GRAMD4: variants seen among roughly 807,000 people sequenced by gnomAD.
The protein encoded by GRAMD4 is GRAM domain containing 4.
GRAMD4 carries 25 observed loss-of-function variants against 83.9 expected under a neutral mutation model. The observed-to-expected ratio is 0.30, with a 90% CI of 0.22 to 0.42. GRAMD4 has a LOEUF of 0.42. GRAMD4 is among the 10% of genes least tolerant of loss of function. The pLI, the probability that GRAMD4 is intolerant of heterozygous loss-of-function variation, is 1.00. For missense variants in GRAMD4, 593 were observed against 788.7 expected, an observed-to-expected ratio of 0.75 and a Z score of 2.97; for synonymous variants, 336 against 320.9, an observed-to-expected ratio of 1.05 and a Z score of -0.50.
chr22:46,612,045 C>A (rs912095723), intron 1 of GRAMD4, among the ~76,000 whole-genome samples: 7 of 147,122 alleles, frequency 4.8e-5, no homozygotes, highest in Non-Finnish European at 9.0e-5. Flanking sequence ...GATCTGTTGC[C>A]CAGGCTGGAG....
At chr22:46,674,514 C>T (rs1179632488) in intron 15 of GRAMD4, 143 bp from the exon 16 acceptor site, 4 of 705,068 alleles carry the variant, frequency 5.7e-6, no homozygotes, top group South Asian at 1.6e-5. Flanking sequence ...CTCTTGCCGG[C>T]GCGCCTTCCT....
At chr22:46,610,198 A>T (rs1174787155) in intron 1 of GRAMD4, among the ~76,000 whole-genome samples, 11 of 152,216 alleles carry the variant, frequency 7.2e-5, no homozygotes, top group Non-Finnish European at 1.6e-4. Context: ...CAAGGCCCAC[A>T]CATGAATCTG....
chr22:46,639,233 C>T (rs1569280685), intron 3 of GRAMD4, among the ~76,000 whole-genome samples: 1 of 149,604 alleles, frequency 6.7e-6, no homozygotes, highest in Admixed American at 6.6e-5. Flanking sequence ...TAGTTAACCA[C>T]GGTAGTAGTT....
chr22:46,595,632 C>G (rs904483361), intron 1 of GRAMD4, among the ~76,000 whole-genome samples: 1 of 152,214 alleles, frequency 6.6e-6, no homozygotes, highest in Non-Finnish European at 1.5e-5. Context: ...GCCCTGAACC[C>G]TCTGAGCGTC....
intron 9 of GRAMD4, among the ~76,000 whole-genome samples, chr22:46,666,208 C>G (rs1042998068): frequency 3.9e-5 from 6 of 152,202 alleles, no homozygotes; most frequent in African/African-American, 1.4e-4. Flanking sequence ...CCTCTGAGCA[C>G]CCCCTCCCTG....
intron 1 of GRAMD4, among the ~76,000 whole-genome samples, chr22:46,601,573 GA>G (rs2081312690): frequency 6.6e-6 from 1 of 152,110 alleles, no homozygotes; most frequent in Non-Finnish European, 1.5e-5. Context: ...AAGGCGGGGG[GA>G]TTACCTGAGG....
At position 46,658,260 on chromosome 22, in the gene GRAMD4, G is replaced by A. The variant is rs1178325808; in HGVS notation, c.357G>A (p.Gln119=). ...MLRQELDRER[Q]RRMELEQKVQ... Reference sequence around the variant, plus strand: ...GGCAGGAGCTGGACCGCGAGCGGCAGCGGCGGATGGAGCTGGAGCAGAAGG... The same window carrying A: ...GGCAGGAGCTGGACCGCGAGCGGCAACGGCGGATGGAGCTGGAGCAGAAGG... Residue 119 remains glutamine, a synonymous_variant, in exon 4 of 19, where the codon CAG becomes CAA. Transcript: ENST00000406902. 1.9e-6 allele frequency: 3 copies of A among 1,613,430 alleles called. No homozygotes were observed. The highest frequency in any genetic ancestry group is 2.5e-6 in the Non-Finnish European group (3 of 1,179,892).
chr22:46,668,243 CA>C, intron 11 of GRAMD4, 76 bp downstream of exon 11: 1 of 1,026,588 alleles, frequency 9.7e-7, no homozygotes, highest in Non-Finnish European at 1.5e-6. Context: ...CTACGCCGGC[CA>C]GGGGTAGGTC....
At chr22:46,642,492 A>C (rs1007352693) in intron 3 of GRAMD4, among the ~76,000 whole-genome samples, 1 of 152,256 alleles carries the variant, frequency 6.6e-6, no homozygotes, top group Non-Finnish European at 1.5e-5. Context: ...CTCAGTGAAC[A>C]TCATCGGCAT....
rs374046668 is a variant in GRAMD4, at chr22:46,675,441, C to G, written c.1479-27C>G. The G allele has an allele frequency of 4.5e-6, 7 of 1,542,650 alleles. No individual in the cohort carries two copies. In the East Asian group the frequency reaches 1.6e-4, roughly 35 times the overall value. On this transcript the variant is annotated intron_variant, in intron 16 of 18. Coordinates refer to ENST00000406902, the MANE Select transcript of GRAMD4 (RefSeq NM_015124.5). ...AGCGTGCTCTGGTTCAAGAGCCAGG[C>G]GACGCCTCTGTCCGTTCCCCTTCCA...
At chr22:46,613,482 C>G (rs2081437796) in intron 1 of GRAMD4, among the ~76,000 whole-genome samples, 1 of 152,264 alleles carries the variant, frequency 6.6e-6, no homozygotes, top group Non-Finnish European at 1.5e-5. Context: ...GGCGAGTGTT[C>G]CCTGTGTCCC....
intron 3 of GRAMD4, among the ~76,000 whole-genome samples, chr22:46,650,430 C>G (rs571674025): frequency 4.0e-4 from 60 of 149,490 alleles, no homozygotes; most frequent in Middle Eastern, 7.0e-3. Flanking sequence ...GGGTGGAGGG[C>G]TGAGCATTGA....
intron 1 of GRAMD4, among the ~76,000 whole-genome samples, chr22:46,591,076 AAAAC>A (rs1017885465): frequency 6.2e-5 from 7 of 113,670 alleles, no homozygotes; most frequent in Admixed American, 2.3e-4. Context: ...AAAAGAAAAA[AAAAC>A]AAACAAACCC....
At chr22:46,626,580 G>A (rs1295098426) in intron 1 of GRAMD4, among the ~76,000 whole-genome samples, 171 bp from the exon 2 acceptor site, 1 of 146,280 alleles carries the variant, frequency 6.8e-6, no homozygotes, top group Non-Finnish European at 1.5e-5. Flanking sequence ...CCTGCGTGTG[G>A]GAGCTGGCTC....
In GRAMD4 at chr22:46,635,972, C is replaced by T. The variant is rs925930523; in HGVS notation, c.163-1868C>T. Among the ~76,000 whole-genome samples the T allele has an allele frequency of 4.6e-5, 7 of 152,296 alleles. No individual in the cohort carries two copies. The South Asian group carries it at 6.2e-4, about 14-fold the overall frequency. ...GCCTCCTCCTGGCTGCGTGTGGGAGCGCCCAGGCCCTTGCCCACTCAGGTG... is the reference window on the plus strand; with the variant it reads ...GCCTCCTCCTGGCTGCGTGTGGGAGTGCCCAGGCCCTTGCCCACTCAGGTG... On this transcript the variant is annotated intron_variant, in intron 2 of 18. Coordinates refer to ENST00000406902, the MANE Select transcript of GRAMD4 (RefSeq NM_015124.5).
chr22:46,607,742 G>A (rs901735290), intron 1 of GRAMD4, among the ~76,000 whole-genome samples: 1 of 152,196 alleles, frequency 6.6e-6, no homozygotes, highest in Admixed American at 6.5e-5. Context: ...CGCTGTGCTC[G>A]GAATGGGACC....
rs189473934 is a variant in GRAMD4 at position 46,635,242 on chromosome 22, C to T, written c.163-2598C>T. ...CCTGGGGGACCGTGTCCTCCCTGCC[C>T]CCACCCCTGGCCACTCCTGTCCTGG... On this transcript the variant is annotated intron_variant, in intron 2 of 18. Transcript: ENST00000406902. Among the ~76,000 whole-genome samples the T allele has an allele frequency of 2.6e-4, 31 of 118,948 alleles. 1 individual carries two copies. In the East Asian group the frequency reaches 2.8e-3, roughly 11 times the overall value. 78.0% of individuals were successfully genotyped at this position (118,948 alleles called of 152,430 possible). A position where few individuals can be genotyped will look rare whatever the true frequency, so the allele number is the denominator to read the frequency against.
intron 2 of GRAMD4, among the ~76,000 whole-genome samples, chr22:46,630,349 T>C (rs1378491285): frequency 6.6e-6 from 1 of 152,190 alleles, no homozygotes; most frequent in Non-Finnish European, 1.5e-5. Context: ...CATTGATCTG[T>C]TGTGGGCGCT....
intron 1 of GRAMD4, among the ~76,000 whole-genome samples, chr22:46,610,360 G>A (rs1000597678): frequency 6.6e-6 from 1 of 152,194 alleles, no homozygotes; most frequent in Admixed American, 6.5e-5. Flanking sequence ...GGACAGGGAC[G>A]GTCAGTGACA....
Sources: allele counts gnomAD v4.1 joint callset (sites outside exome capture counted in the v4.1 genomes callset), GRCh38; gene constraint gnomAD v4.1.1; transcripts MANE v1.5; gene names NCBI Gene and HGNC (gene_info 2026-07-23, HGNC 2026-07-21).